The following PDE1C variants were observed in gnomAD, a reference collection of about 807,000 sequenced individuals.
PDE1C encodes dual specificity calcium/calmodulin-dependent 3',5'-cyclic nucleotide phosphodiesterase 1C.
A neutral mutation model predicts 93.1 loss-of-function variants in PDE1C; 62 were observed. The observed-to-expected ratio is 0.67, with a 90% CI of 0.54 to 0.82. The LOEUF (loss-of-function observed/expected upper bound fraction) is 0.82. Among genes scored for constraint, PDE1C ranks in the 40% least tolerant of loss-of-function variants. The probability of loss-of-function intolerance (pLI) is 0.00; values close to 1 mark genes in which losing one functional copy is unlikely to be tolerated. For synonymous variants in PDE1C, 325 were observed against 310.1 expected, an observed-to-expected ratio of 1.05 and a Z score of -0.50; for missense variants, 742 against 884.6, an observed-to-expected ratio of 0.84 and a Z score of 2.04.
chr7:32,251,381 C>A (rs961052241), intron 1 of PDE1C, among the ~76,000 whole-genome samples: 1 of 152,226 alleles, frequency 6.6e-6, no homozygotes, highest in Non-Finnish European at 1.5e-5. Flanking sequence ...GGCAAGGGCA[C>A]CATCATCTAC....
At position 31,875,793 on chromosome 7, in the gene PDE1C, CTATA is replaced by C. The variant is rs71559206; in HGVS notation, c.492+2173_492+2176del. Among the ~76,000 whole-genome samples the C allele has an allele frequency of 9.1e-3, 394 of 43,062 alleles. 1 individual carries two copies. The highest frequency in any genetic ancestry group is 0.024 in the South Asian group (28 of 1,180). 28.3% of individuals were successfully genotyped at this position (43,062 alleles called of 152,430 possible). ...AACACCTCAAGTTAGAAGCTTACAT[CTATA>C]TATATATATATATATATATATATAT... On this transcript the variant is annotated intron_variant, in intron 5 of 17. Transcript: ENST00000396191.
chr7:32,427,353 G>T (rs1330323936), intron 1 of PDE1C, among the ~76,000 whole-genome samples: 1 of 152,064 alleles, frequency 6.6e-6, no homozygotes, highest in Non-Finnish European at 1.5e-5. Flanking sequence ...ACTTCAAATC[G>T]TGTGTGCTCT....
intron 3 of PDE1C, among the ~76,000 whole-genome samples, chr7:32,081,314 G>A (rs1240836683): frequency 6.6e-6 from 1 of 152,094 alleles, no homozygotes; most frequent in East Asian, 1.9e-4. Flanking sequence ...CTTCACTATG[G>A]GCAGAGCCAA....
rs554300602 is a variant in PDE1C, at chr7:31,844,624, C to T, written c.980+3344G>A. Among the ~76,000 whole-genome samples, 8 of 151,926 alleles carry T rather than the reference C, an allele frequency of 5.3e-5. 1 individual carries two copies. The South Asian group carries it at 1.5e-3, about 28-fold the overall frequency. On this transcript the variant is annotated intron_variant, in intron 9 of 17. Transcript: ENST00000396191. Reference sequence around the variant, plus strand: ...ATATGTGCCTCAGTGTTCTTTTCATCGAATTTAACCTGTTTTAGGTTTGCT... The same window carrying T: ...ATATGTGCCTCAGTGTTCTTTTCATTGAATTTAACCTGTTTTAGGTTTGCT...
intron 1 of PDE1C, among the ~76,000 whole-genome samples, chr7:32,297,489 C>T (rs1412673380): frequency 6.6e-6 from 1 of 152,102 alleles, no homozygotes; most frequent in African/African-American, 2.4e-5. Context: ...CTCCAGGGCT[C>T]CACCTGAGAC....
the PDE1C span, among the ~76,000 whole-genome samples, chr7:31,682,617 CTTGA>C: frequency 2.6e-5 from 4 of 152,114 alleles, no homozygotes; most frequent in Admixed American, 6.5e-5. Flanking sequence ...CAATTGCACT[CTTGA>C]TTATTTGCCC....
intron 17 of PDE1C, among the ~76,000 whole-genome samples, chr7:31,764,229 C>T (rs972961421): frequency 6.6e-6 from 1 of 152,172 alleles, no homozygotes; most frequent in Non-Finnish European, 1.5e-5. Flanking sequence ...CGGCTCACTG[C>T]AACCTCTCAG....
intron 1 of PDE1C, among the ~76,000 whole-genome samples, chr7:32,354,288 T>C (rs1256266687): frequency 1.3e-5 from 2 of 152,146 alleles, no homozygotes; most frequent in Non-Finnish European, 2.9e-5. Flanking sequence ...ATTGTTGGAA[T>C]GCTATTATCT....
intron 3 of PDE1C, among the ~76,000 whole-genome samples, chr7:32,155,392 C>T (rs1562530412): frequency 6.6e-6 from 1 of 152,178 alleles, no homozygotes. Flanking sequence ...AAATGCTTAA[C>T]ACACAATCTC....
intron 17 of PDE1C, among the ~76,000 whole-genome samples, chr7:31,767,700 G>A (rs536466239): frequency 6.6e-6 from 1 of 152,326 alleles, no homozygotes; most frequent in Admixed American, 6.5e-5. Flanking sequence ...ACAAACAACA[G>A]AAATTTATTT....
At chr7:32,181,120 CA>C (rs1803377969) in intron 2 of PDE1C, among the ~76,000 whole-genome samples, 1 of 152,206 alleles carries the variant, frequency 6.6e-6, no homozygotes, top group East Asian at 1.9e-4. Flanking sequence ...TATATGCACC[CA>C]ATACAGGAGC....
the PDE1C span, among the ~76,000 whole-genome samples, chr7:31,677,695 A>T: frequency 1.9e-3 from 282 of 152,258 alleles, 2 homozygotes; most frequent in African/African-American, 6.3e-3. Flanking sequence ...GTATTAGAAA[A>T]CTTCTAGGCT....
chr7:31,873,201 C>T (rs968140217), intron 6 of PDE1C, 91 bp downstream of exon 6: 10 of 756,600 alleles, frequency 1.3e-5, no homozygotes, highest in Admixed American at 4.8e-5. Flanking sequence ...GTTTTCATTC[C>T]GCATATTAAA....
chr7:31,639,544 T>TTTTTTTTTTTTTTG, the PDE1C span, among the ~76,000 whole-genome samples: 7 of 135,174 alleles, frequency 5.2e-5, no homozygotes, highest in South Asian at 2.2e-4. Flanking sequence ...TTTTGTTTTT[T>TTTTTTTTTTTTTTG]TTTTTTTTTT....
chr7:31,990,237 TG>T (rs1487723375), intron 2 of PDE1C, among the ~76,000 whole-genome samples: 2 of 152,208 alleles, frequency 1.3e-5, no homozygotes, highest in Non-Finnish European at 2.9e-5. Flanking sequence ...AATTGAATCA[TG>T]GGGACGGGTC....
intron 2 of PDE1C, among the ~76,000 whole-genome samples, chr7:31,959,274 A>G (rs1808587062): frequency 6.6e-6 from 1 of 152,050 alleles, no homozygotes; most frequent in South Asian, 2.1e-4. Flanking sequence ...GCAGTGGCTC[A>G]ATCTCGGCTC....
At chr7:32,033,667 G>T (rs1485302348) in intron 2 of PDE1C, among the ~76,000 whole-genome samples, 1 of 151,904 alleles carries the variant, frequency 6.6e-6, no homozygotes, top group Non-Finnish European at 1.5e-5. Context: ...TTCTCTCTCT[G>T]TTGGCTACCT....
intron 16 of PDE1C, 56 bp from the exon 17 acceptor site, chr7:31,775,788 A>C (rs1053115608): frequency 1.4e-5 from 19 of 1,404,054 alleles, no homozygotes; most frequent in Non-Finnish European, 1.8e-5. Context: ...AACCTGTTGG[A>C]CAAGTAAATG....
In PDE1C at chr7:32,214,431, A is replaced by G. The variant is rs186458558; in HGVS notation, c.86-4892T>C. 1.1e-4 allele frequency among the ~76,000 whole-genome samples: 17 copies of G among 152,230 alleles called. No homozygotes were observed. In the East Asian group the frequency reaches 2.3e-3, roughly 21 times the overall value. On this transcript the variant is annotated intron_variant, in intron 1 of 18. Transcript: ENST00000396193. ...AATCACCTAGGGAATGTTACAAAAT[A>G]TTGATGCCCAGACCACACCCCAGAC...
Sources: allele counts gnomAD v4.1 joint callset (sites outside exome capture counted in the v4.1 genomes callset), GRCh38; gene constraint gnomAD v4.1.1; transcripts MANE v1.5; gene names NCBI Gene and HGNC (gene_info 2026-07-23, HGNC 2026-07-21).